Variants in SPEF2 observed in about 807,000 individuals in gnomAD.
The protein encoded by SPEF2 is sperm flagellar and cilia associated 2, also known as sperm flagella and cilia-associated protein 2.
Under a neutral mutation model 224.6 loss-of-function variants are expected in SPEF2, and 187 were observed. That is an observed-to-expected ratio of 0.83 (90% CI 0.74 to 0.94). SPEF2 has a LOEUF of 0.94. SPEF2 is among the 40% of genes least tolerant of loss of function. The pLI is 0.00. For synonymous variants in SPEF2, 715 were observed against 707.3 expected, an observed-to-expected ratio of 1.01 and a Z score of -0.17; for missense variants, 2,170 against 2,135.6, an observed-to-expected ratio of 1.02 and a Z score of -0.32.
intron 8 of SPEF2, among the ~76,000 whole-genome samples, chr5:35,663,383 T>C (rs1449381427): frequency 6.6e-6 from 1 of 152,180 alleles, no homozygotes; most frequent in East Asian, 1.9e-4. Context: ...AAATTCAACA[T>C]GTTCCAAGCC....
chr5:35,753,719 C>T lies in SPEF2; in HGVS notation c.3426C>T (p.Asp1142=), dbSNP rs1350558493. Residue 1142 remains aspartate (D), a synonymous_variant, in exon 24 of 37, where the codon GAC becomes GAT. Coordinates refer to ENST00000356031, the MANE Select transcript of SPEF2 (RefSeq NM_024867.4). ...LDIINESWLQ[D]TLGMTMNHFF... is the part of the protein sequence containing the mutation. ...TCATTAATGAGAGCTGGTTACAGGA[C>T]ACTCTTGGAATGACAATGAACCATT... The T allele has an allele frequency of 5.0e-6, 8 of 1,614,074 alleles. No homozygotes were observed. The highest frequency in any genetic ancestry group is 6.8e-6 in the Non-Finnish European group (8 of 1,180,012).
chr5:35,796,653 A>C (rs920409136), intron 33 of SPEF2, among the ~76,000 whole-genome samples: 1 of 152,110 alleles, frequency 6.6e-6, no homozygotes, highest in Non-Finnish European at 1.5e-5. Flanking sequence ...TCAGTAAGAC[A>C]TGAAAAAAAC....
rs776926281 is a variant in SPEF2, at chr5:35,814,574, T to C, written c.*21T>C. 11 of 1,496,880 alleles carry C rather than the reference T, an allele frequency of 7.3e-6. No individual in the cohort carries two copies. Among genetic ancestry groups the C allele is most frequent in the Non-Finnish European group, 9.2e-6 (10 of 1,091,024 alleles). The allele number at this position is 1,496,880 out of a possible 1,614,324, so 92.7% of individuals were successfully genotyped here. On this transcript the variant is annotated 3_prime_UTR_variant, in exon 37 of 37. Transcript: ENST00000356031. The stretch of plus-strand genomic sequence containing the variant: ...AATGAAGACAAAAGAGTGTGATTTT[T>C]TTAATTCTGCAATAAATCTTCCAAA...
intron 13 of SPEF2, among the ~76,000 whole-genome samples, chr5:35,694,679 G>A (rs1755038186): frequency 6.6e-6 from 1 of 152,162 alleles, no homozygotes; most frequent in Non-Finnish European, 1.5e-5. Context: ...GTCTTTTCTT[G>A]TTCTCACCAG....
chr5:35,807,594 C>G lies in SPEF2; in HGVS notation c.5379+341C>G, dbSNP rs1039615849. On this transcript the variant is annotated intron_variant, in intron 36 of 36. Transcript: ENST00000356031. Reference sequence around the variant, plus strand: ...AAAGAGAACTAACCAAGACCATGATCTCCAGCCAAGTGCTGACATATTCAT... The same window carrying G: ...AAAGAGAACTAACCAAGACCATGATGTCCAGCCAAGTGCTGACATATTCAT... 7 of 1,499,712 alleles carry G rather than the reference C, an allele frequency of 4.7e-6. No individual in the cohort carries two copies. In the African/African-American group the frequency reaches 8.3e-5, roughly 18 times the overall value. 92.9% of individuals were successfully genotyped at this position (1,499,712 alleles called of 1,614,324 possible). A position where few individuals can be genotyped will look rare whatever the true frequency, so the allele number is the denominator to read the frequency against.
intron 33 of SPEF2, among the ~76,000 whole-genome samples, chr5:35,796,192 G>C (rs553956184): frequency 1.3e-5 from 2 of 152,232 alleles, no homozygotes; most frequent in Admixed American, 1.3e-4. Context: ...TACAGCAAGG[G>C]TTTGCCTACA....
At chr5:35,777,052 T>C (rs2149794533) in intron 29 of SPEF2, among the ~76,000 whole-genome samples, 1 of 152,312 alleles carries the variant, frequency 6.6e-6, no homozygotes, top group South Asian at 2.1e-4. Flanking sequence ...GCTTCATCTA[T>C]ACAAGGAAAC....
chr5:35,663,497 C>T (rs1310170601), intron 8 of SPEF2, among the ~76,000 whole-genome samples: 1 of 152,156 alleles, frequency 6.6e-6, no homozygotes, highest in Non-Finnish European at 1.5e-5. Flanking sequence ...CTTCAGGGCC[C>T]ACCTGAAAGC....
Position 35,752,877 on chromosome 5 carries a change from T to C in SPEF2, c.3331-747T>C, listed in dbSNP as rs188370557. Among the ~76,000 whole-genome samples the C allele has an allele frequency of 2.8e-3, 423 of 151,410 alleles. 3 individuals carry two copies. Among genetic ancestry groups the C allele is most frequent in the African/African-American group, 9.6e-3 (396 of 41,416 alleles). On this transcript the variant is annotated intron_variant, in intron 23 of 36. Coordinates refer to ENST00000356031, the MANE Select transcript of SPEF2 (RefSeq NM_024867.4). The stretch of plus-strand genomic sequence containing the variant: ...AGTGACTTATGTTCCGACACATAGA[T>C]ACACACTGAAAGGACTCTATGTGAT...
intron 33 of SPEF2, among the ~76,000 whole-genome samples, chr5:35,797,125 G>T (rs1052310666): frequency 3.9e-5 from 6 of 152,184 alleles, no homozygotes; most frequent in Admixed American, 1.3e-4. Flanking sequence ...TTTTAGAAAT[G>T]TCAATCAAAG....
At chr5:35,741,004 A>C (rs1474641602) in intron 23 of SPEF2, among the ~76,000 whole-genome samples, 1 of 152,190 alleles carries the variant, frequency 6.6e-6, no homozygotes, top group Non-Finnish European at 1.5e-5. Flanking sequence ...AAACATTGCC[A>C]ATCTCAAACC....
chr5:35,741,741 C>T (rs144029556), intron 23 of SPEF2, among the ~76,000 whole-genome samples: 27 of 152,240 alleles, frequency 1.8e-4, no homozygotes, highest in African/African-American at 6.3e-4. Flanking sequence ...ATTCAAATGT[C>T]CTGGTAAAAT....
intron 9 of SPEF2, among the ~76,000 whole-genome samples, chr5:35,667,746 G>T (rs939471641): frequency 6.6e-6 from 1 of 152,080 alleles, no homozygotes; most frequent in African/African-American, 2.4e-5. Context: ...TAGAATAGGA[G>T]AAGATATTTC....
intron 23 of SPEF2, among the ~76,000 whole-genome samples, chr5:35,745,409 G>A (rs1748342417): frequency 6.6e-6 from 1 of 152,132 alleles, no homozygotes; most frequent in African/African-American, 2.4e-5. Context: ...GCTCGGAGGT[G>A]GGTATCCTTG....
At chr5:35,717,260 A>G (rs900615409) in intron 20 of SPEF2, among the ~76,000 whole-genome samples, 1 of 152,194 alleles carries the variant, frequency 6.6e-6, no homozygotes, top group Non-Finnish European at 1.5e-5. Flanking sequence ...ATCCCAGGGC[A>G]TTTTGGCTGC....
intron 23 of SPEF2, among the ~76,000 whole-genome samples, chr5:35,744,098 T>C (rs1196303177): frequency 6.6e-6 from 1 of 152,232 alleles, no homozygotes; most frequent in Non-Finnish European, 1.5e-5. Flanking sequence ...TATTTTTAAT[T>C]TGTATGTGGT....
intron 10 of SPEF2, among the ~76,000 whole-genome samples, chr5:35,690,614 C>A (rs1754306890): frequency 6.6e-6 from 1 of 152,058 alleles, no homozygotes; most frequent in Non-Finnish European, 1.5e-5. Flanking sequence ...GGGAGTTAAA[C>A]ACGGTAGACT....
At chr5:35,640,018 G>A (rs975889151) in intron 2 of SPEF2, among the ~76,000 whole-genome samples, 28 of 152,094 alleles carry the variant, frequency 1.8e-4, no homozygotes, top group Admixed American at 1.6e-3. Context: ...GAGAAGTATT[G>A]TTAGACCTGT....
chr5:35,688,544 A>G (rs1303465722), intron 10 of SPEF2, among the ~76,000 whole-genome samples: 1 of 152,194 alleles, frequency 6.6e-6, no homozygotes, highest in Non-Finnish European at 1.5e-5. Context: ...CTATTAATGC[A>G]TATAGTACAT....
Sources: allele counts gnomAD v4.1 joint callset (sites outside exome capture counted in the v4.1 genomes callset), GRCh38; gene constraint gnomAD v4.1.1; transcripts MANE v1.5; gene names NCBI Gene and HGNC (gene_info 2026-07-23, HGNC 2026-07-21).